TRPM3: variants seen among roughly 807,000 people sequenced by gnomAD.
The protein encoded by TRPM3 is transient receptor potential cation channel subfamily M member 3.
In TRPM3, 77 loss-of-function variants were observed where a neutral mutation model predicts 181.2. The ratio of observed to expected loss-of-function variants is 0.42; its 90% CI spans 0.35 to 0.51. TRPM3 has a LOEUF of 0.51. Ranked by LOEUF, TRPM3 falls within the 20% of genes least tolerant of loss-of-function variation. The pLI, the probability that TRPM3 is intolerant of heterozygous loss-of-function variation, is 0.01. For missense variants in TRPM3, 1,759 were observed against 2,196.7 expected, an observed-to-expected ratio of 0.80 and a Z score of 3.98; for synonymous variants, 745 against 796.4, an observed-to-expected ratio of 0.94 and a Z score of 1.09.
At chr9:70,622,131 A>T (rs1318057719) in intron 14 of TRPM3, among the ~76,000 whole-genome samples, 1 of 152,182 alleles carries the variant, frequency 6.6e-6, no homozygotes, top group Non-Finnish European at 1.5e-5. Flanking sequence ...AATGCAGCTC[A>T]TTCACCCTTC....
chr9:71,226,009 T>TAAAAAAAAAAA, intron 1 of TRPM3, among the ~76,000 whole-genome samples: 3 of 34,708 alleles, frequency 8.6e-5, no homozygotes, highest in Non-Finnish European at 1.5e-4. Context: ...CAACAAAAGG[T>TAAAAAAAAAAA]AAAAAAAAAA....
intron 1 of TRPM3, among the ~76,000 whole-genome samples, chr9:71,401,090 CG>C (rs975405165): frequency 3.4e-5 from 5 of 146,846 alleles, no homozygotes; most frequent in African/African-American, 1.3e-4. Context: ...CCCAGCTACT[CG>C]GGAGGCTGAG....
intron 1 of TRPM3, among the ~76,000 whole-genome samples, chr9:71,428,071 GT>G (rs1341476954): frequency 6.6e-6 from 1 of 151,890 alleles, no homozygotes; most frequent in East Asian, 1.9e-4. Context: ...CCAGTAGCCT[GT>G]TTTTTTGTTG....
At chr9:71,058,663 G>A (rs1449579209) in intron 1 of TRPM3, among the ~76,000 whole-genome samples, 1 of 151,926 alleles carries the variant, frequency 6.6e-6, no homozygotes, top group African/African-American at 2.4e-5. Context: ...TAGACATAAC[G>A]CCATAAGTCA....
At chr9:71,293,491 A>G (rs2085996855) in intron 1 of TRPM3, among the ~76,000 whole-genome samples, 1 of 151,868 alleles carries the variant, frequency 6.6e-6, no homozygotes, top group African/African-American at 2.4e-5. Context: ...GGTTGGTGGT[A>G]CCTAAGAATA....
intron 1 of TRPM3, among the ~76,000 whole-genome samples, chr9:71,215,060 A>T (rs71505929): frequency 6.8e-6 from 1 of 146,278 alleles, no homozygotes; most frequent in Non-Finnish European, 1.5e-5. Context: ...AAAAAAAAAA[A>T]AACAACAACC....
At chr9:71,418,864 ATGTATATATG>A (rs1464789972) in intron 1 of TRPM3, among the ~76,000 whole-genome samples, 1 of 144,356 alleles carries the variant, frequency 6.9e-6, no homozygotes, top group Non-Finnish European at 1.5e-5. Context: ...TTGTATATAT[ATGTATATATG>A]TGTATATATA....
At chr9:71,439,821 C>T (rs1364080703) in intron 1 of TRPM3, among the ~76,000 whole-genome samples, 1 of 152,078 alleles carries the variant, frequency 6.6e-6, no homozygotes, top group South Asian at 2.1e-4. Context: ...AAAATAAATA[C>T]AATAAATACT....
At chr9:70,765,592 A>C (rs1249350478) in intron 7 of TRPM3, among the ~76,000 whole-genome samples, 1 of 151,506 alleles carries the variant, frequency 6.6e-6, no homozygotes, top group East Asian at 1.9e-4. Flanking sequence ...ACTCCATCTC[A>C]AAAAACAAAA....
intron 25 of TRPM3, among the ~76,000 whole-genome samples, chr9:70,540,845 C>T (rs1404341654): frequency 6.6e-6 from 1 of 152,194 alleles, no homozygotes; most frequent in Admixed American, 6.5e-5. Flanking sequence ...ACTGTAGCCT[C>T]CTGAGTAGCT....
chr9:71,243,162 C>T (rs965294580), intron 1 of TRPM3, among the ~76,000 whole-genome samples: 15 of 152,206 alleles, frequency 9.9e-5, no homozygotes, highest in Admixed American at 9.2e-4. Context: ...CTATCTCAGC[C>T]TCCCAAGTAG....
At chr9:70,991,240 CTAATT>C (rs2097481221) in intron 1 of TRPM3, among the ~76,000 whole-genome samples, 3 of 152,258 alleles carry the variant, frequency 2.0e-5, no homozygotes, top group Admixed American at 6.5e-5. Context: ...TTTATTTTCA[CTAATT>C]TATTATTGAA....
At chr9:70,537,678 T>C (rs1228116872) in intron 25 of TRPM3, among the ~76,000 whole-genome samples, 1 of 152,182 alleles carries the variant, frequency 6.6e-6, no homozygotes, top group Non-Finnish European at 1.5e-5. Flanking sequence ...TTTCCCTCAA[T>C]GAAATGGAAT....
At chr9:70,810,023 A>G in intron 6 of TRPM3, 1 of 534,702 alleles carries the variant, frequency 1.9e-6, no homozygotes. Flanking sequence ...CCTCCTTCAT[A>G]TATTCTCAGG....
rs62547696 is a variant in TRPM3 at position 71,213,508 on chromosome 9, T to C, written c.183+233145A>G. Among the ~76,000 whole-genome samples the C allele has an allele frequency of 3.9e-3, 601 of 152,280 alleles. 2 individuals are homozygous for C. The highest frequency in any genetic ancestry group is 0.01 in the Middle Eastern group (3 of 294). On this transcript the variant is annotated intron_variant, in intron 1 of 24. Coordinates refer to the TRPM3 transcript ENST00000357533. ...AATGATATCATAAATAGCAATACTA[T>C]GTTTTGTTTTGTTTTGTTTTTACTT...
intron 11 of TRPM3, among the ~76,000 whole-genome samples, chr9:70,636,797 C>T (rs563750085): frequency 8.2e-4 from 124 of 151,292 alleles, no homozygotes; most frequent in African/African-American, 2.7e-3. Flanking sequence ...AAGATATTCT[C>T]CTGTCTCAGC....
chr9:71,168,514 T>C (rs1005683294), intron 1 of TRPM3, among the ~76,000 whole-genome samples: 1 of 142,048 alleles, frequency 7.0e-6, no homozygotes, highest in African/African-American at 2.5e-5. Flanking sequence ...ATTTTTCTTT[T>C]TTTTTTTTTT....
intron 9 of TRPM3, among the ~76,000 whole-genome samples, chr9:70,650,996 T>C (rs1395403503): frequency 6.6e-6 from 1 of 152,228 alleles, no homozygotes; most frequent in Non-Finnish European, 1.5e-5. Flanking sequence ...AGAAAAATTT[T>C]TCTCCACTTT....
chr9:71,375,003 T>G (rs761619605), intron 1 of TRPM3, among the ~76,000 whole-genome samples: 2 of 152,208 alleles, frequency 1.3e-5, no homozygotes, highest in Middle Eastern at 3.4e-3. Flanking sequence ...ATATAATGGA[T>G]ATGGCCATAC....
Sources: gnomAD v4.1 joint callset for allele counts (sites outside exome capture counted in the v4.1 genomes callset) on GRCh38, gnomAD v4.1.1 for gene constraint, MANE v1.5 for transcripts, NCBI Gene and HGNC (gene_info 2026-07-23, HGNC 2026-07-21) for gene names.